VPS45: variants seen among roughly 807,000 people sequenced by gnomAD.
The protein encoded by VPS45 is vacuolar protein sorting 45 homolog.
VPS45 carries 35 observed loss-of-function variants against 75.9 expected under a neutral mutation model. That is an observed-to-expected ratio of 0.46 (90% confidence interval 0.35 to 0.61). The LOEUF (loss-of-function observed/expected upper bound fraction) is 0.61, where lower values mean the gene tolerates loss of function less well. Ranked by LOEUF, VPS45 falls within the 20% of genes least tolerant of loss-of-function variation. The pLI is 0.00. For missense variants in VPS45, 559 were observed against 685.9 expected, an observed-to-expected ratio of 0.81 and a Z score of 2.07; for synonymous variants, 220 against 238.2, an observed-to-expected ratio of 0.92 and a Z score of 0.70.
intron 13 of VPS45, among the ~76,000 whole-genome samples, chr1:150,096,070 A>T (rs1204999058): frequency 6.6e-6 from 1 of 152,224 alleles, no homozygotes; most frequent in Non-Finnish European, 1.5e-5. Flanking sequence ...TTTATGGAAC[A>T]AGGGTAAGAG....
chr1:150,124,914 T>C (rs987901592), intron 14 of VPS45, among the ~76,000 whole-genome samples: 98 of 151,860 alleles, frequency 6.5e-4, no homozygotes, highest in Non-Finnish European at 1.3e-3. Context: ...GTTTTGTTTT[T>C]AACATAAGAT....
intron 14 of VPS45, among the ~76,000 whole-genome samples, chr1:150,130,743 T>A (rs375527135): frequency 3.0e-4 from 46 of 152,324 alleles, no homozygotes; most frequent in African/African-American, 1.1e-3. Context: ...TTTTTCACTC[T>A]TATAAACAGT....
chr1:150,139,817 G>A (rs189095615), intron 14 of VPS45, among the ~76,000 whole-genome samples: 6 of 152,148 alleles, frequency 3.9e-5, no homozygotes, highest in African/African-American at 9.6e-5. Context: ...CTCCTGTTTC[G>A]GCCTACCAGA....
chr1:150,136,249 C>A (rs587623799), intron 14 of VPS45, among the ~76,000 whole-genome samples: 136,610 of 137,234 alleles, frequency 1, 67,997 homozygotes, highest in Middle Eastern at 1. Flanking sequence ...ACTCTGTCTA[C>A]AAAAAAAAAA....
intron 13 of VPS45, among the ~76,000 whole-genome samples, chr1:150,099,410 G>A (rs1311512966): frequency 6.6e-6 from 1 of 151,932 alleles, no homozygotes; most frequent in Non-Finnish European, 1.5e-5. Context: ...CTACTTGGGA[G>A]GCTGAGGTAG....
At chr1:150,084,043 A>T (rs1655872538) in intron 10 of VPS45, among the ~76,000 whole-genome samples, 1 of 152,194 alleles carries the variant, frequency 6.6e-6, no homozygotes, top group Admixed American at 6.6e-5. Flanking sequence ...GTTCTTAGAG[A>T]AGGCAAGATT....
At chr1:150,095,042 C>T (rs188648411) in intron 13 of VPS45, among the ~76,000 whole-genome samples, 4 of 152,348 alleles carry the variant, frequency 2.6e-5, no homozygotes, top group Non-Finnish European at 2.9e-5. Context: ...TGTCCTTTTA[C>T]ACAACAGATG....
intron 11 of VPS45, 51 bp downstream of exon 11, chr1:150,092,146 T>C: frequency 6.4e-7 from 1 of 1,574,212 alleles, no homozygotes; most frequent in South Asian, 1.1e-5. Flanking sequence ...TCTGTTATTA[T>C]ATTCTTAGCT....
At chr1:150,090,100 T>G (rs929357677) in intron 10 of VPS45, among the ~76,000 whole-genome samples, 2 of 152,262 alleles carry the variant, frequency 1.3e-5, no homozygotes, top group African/African-American at 4.8e-5. Context: ...AAGCATTTTG[T>G]AAGTTGTAAA....
At chr1:150,108,465 A>G (rs1657453099) in intron 13 of VPS45, among the ~76,000 whole-genome samples, 1 of 152,216 alleles carries the variant, frequency 6.6e-6, no homozygotes, top group Admixed American at 6.5e-5. Context: ...AGTGGTCACT[A>G]TACTGAATGG....
chr1:150,094,151 C>T (rs587722889), intron 13 of VPS45, among the ~76,000 whole-genome samples: 52 of 152,312 alleles, frequency 3.4e-4, no homozygotes, highest in Non-Finnish European at 6.5e-4. Context: ...CAATAATTGT[C>T]ATCTTAATCC....
chr1:150,107,433 A>AT (rs1221150813), intron 13 of VPS45, among the ~76,000 whole-genome samples: 6 of 152,150 alleles, frequency 3.9e-5, no homozygotes, highest in African/African-American at 1.4e-4. Flanking sequence ...AAGAATATGT[A>AT]TTTTTTTGTG....
At chr1:150,076,375 A>G (rs1553798100) in intron 4 of VPS45, 63 bp downstream of exon 4, 3 of 1,348,700 alleles carry the variant, frequency 2.2e-6, no homozygotes, top group Non-Finnish European at 3.1e-6. Context: ...TTGAGTCTAA[A>G]AATAAAAAAT....
intron 3 of VPS45, 125 bp downstream of exon 3, chr1:150,072,351 T>G: frequency 1.4e-6 from 1 of 690,474 alleles, no homozygotes; most frequent in Non-Finnish European, 2.3e-6. Flanking sequence ...TTATTTAATG[T>G]CCTTCCAAAG....
chr1:150,108,358 G>A (rs890831577), intron 13 of VPS45, among the ~76,000 whole-genome samples: 1 of 152,202 alleles, frequency 6.6e-6, no homozygotes, highest in Non-Finnish European at 1.5e-5. Context: ...ACTTGTCAGT[G>A]TAGCTGTTGA....
chr1:150,102,798 T>C (rs1657114448), intron 13 of VPS45, among the ~76,000 whole-genome samples: 1 of 152,176 alleles, frequency 6.6e-6, no homozygotes, highest in Non-Finnish European at 1.5e-5. Context: ...TGTTCTCACT[T>C]ACAAGTTGGA....
chr1:150,108,477 A>G (rs1455819994), intron 13 of VPS45, among the ~76,000 whole-genome samples: 4 of 152,230 alleles, frequency 2.6e-5, no homozygotes, highest in African/African-American at 9.6e-5. Flanking sequence ...ACTGAATGGA[A>G]CAGATGGAGA....
Position 150,144,934 on chromosome 1 carries a change from T to C in VPS45, c.*138T>C. The C allele has an allele frequency of 6.5e-7, 1 of 1,542,518 alleles. No individual in the cohort carries two copies. Among genetic ancestry groups the C allele is most frequent in the Non-Finnish European group, 8.7e-7 (1 of 1,148,800 alleles). ...CATCTCCAGGTAGCCCACGGATACG[T>C]GGTTGGCACAGACACAAGACTCCCA... On this transcript the variant is annotated 3_prime_UTR_variant, in exon 15 of 15. Transcript: ENST00000644510.
At chr1:150,128,809 G>A (rs1231502407) in intron 14 of VPS45, among the ~76,000 whole-genome samples, 2 of 151,456 alleles carry the variant, frequency 1.3e-5, no homozygotes, top group East Asian at 1.9e-4. Context: ...GCACGATCTC[G>A]GCTCACTGCA....
Sources: gnomAD v4.1 joint callset for allele counts (sites outside exome capture counted in the v4.1 genomes callset) on GRCh38, gnomAD v4.1.1 for gene constraint, MANE v1.5 for transcripts, NCBI Gene and HGNC (gene_info 2026-07-23, HGNC 2026-07-21) for gene names.